Variants in TTC27 observed in about 807,000 individuals in gnomAD.
TTC27 encodes the protein tetratricopeptide repeat protein 27.
TTC27 carries 79 observed loss-of-function variants against 115.9 expected under a neutral mutation model. The ratio of observed to expected loss-of-function variants is 0.68; its 90% CI spans 0.57 to 0.82. TTC27 has a LOEUF of 0.82. TTC27 is among the 40% of genes least tolerant of loss of function. The pLI, the probability that TTC27 is intolerant of heterozygous loss-of-function variation, is 0.00. For synonymous variants in TTC27, 401 were observed against 356.0 expected (o/e 1.13, Z -1.42); for missense variants, 1,054 against 993.1 (o/e 1.06, Z -0.82).
intron 5 of TTC27, among the ~76,000 whole-genome samples, chr2:32,655,919 A>C (rs1665298392): frequency 6.6e-6 from 1 of 152,174 alleles, no homozygotes; most frequent in Non-Finnish European, 1.5e-5. Context: ...ATGAAATTGC[A>C]AATTCAGTTC....
chr2:32,808,649 T>C (rs1671217844), intron 16 of TTC27, among the ~76,000 whole-genome samples: 1 of 152,116 alleles, frequency 6.6e-6, no homozygotes, highest in Non-Finnish European at 1.5e-5. Flanking sequence ...TACCAACTTT[T>C]TCCCTCCTTA....
chr2:32,710,940 C>A (rs1015825868), intron 10 of TTC27, among the ~76,000 whole-genome samples: 2 of 150,374 alleles, frequency 1.3e-5, no homozygotes, highest in African/African-American at 4.9e-5. Context: ...ATGGTGAGAC[C>A]CCCATCTCTA....
intron 12 of TTC27, 107 bp downstream of exon 12, chr2:32,736,923 C>G: frequency 1.4e-6 from 2 of 1,384,614 alleles, no homozygotes; most frequent in Non-Finnish European, 1.9e-6. Context: ...CACTTATATT[C>G]CTTTTTTCAC....
At chr2:32,688,712 C>A (rs1666718841) in intron 9 of TTC27, among the ~76,000 whole-genome samples, 1 of 152,020 alleles carries the variant, frequency 6.6e-6, no homozygotes, top group Admixed American at 6.6e-5. Context: ...CAACAAGATA[C>A]CACTGTACAT....
chr2:32,654,722 G>A (rs1665254382), intron 5 of TTC27, among the ~76,000 whole-genome samples: 1 of 150,172 alleles, frequency 6.7e-6, no homozygotes, highest in South Asian at 2.1e-4. Flanking sequence ...TTGAGATGGA[G>A]TCTCGCTCTG....
rs776126416 is a variant in TTC27, at chr2:32,782,656, T to A, written c.1810T>A (p.Ser604Thr). Residue 604 changes from serine (S) to threonine (T), a missense_variant, in exon 15 of 20, where the codon TCC (serine) becomes ACC (threonine). Physicochemically the swap from Ser to Thr is moderately conservative, Grantham distance 58 (BLOSUM62 1). Transcript: ENST00000317907. ...NAEAWNNLST[S>T]YIRLKQKVKA... ...TGAAGCTTGGAACAATTTGTCAACT[T>A]CCTATATCCGATTAAAACAAAAGTA... 5.0e-6 allele frequency: 8 copies of A among 1,612,100 alleles called. No homozygotes were observed. The South Asian group carries it at 8.8e-5, about 18-fold the overall frequency.
intron 5 of TTC27, among the ~76,000 whole-genome samples, chr2:32,653,319 C>T (rs1362692738): frequency 6.6e-6 from 1 of 151,872 alleles, no homozygotes; most frequent in East Asian, 1.9e-4. Context: ...AAAACAGTCT[C>T]CACGGTGGCT....
chr2:32,753,138 A>G (rs1029834427), intron 12 of TTC27, among the ~76,000 whole-genome samples: 3 of 152,166 alleles, frequency 2.0e-5, no homozygotes, highest in Non-Finnish European at 4.4e-5. Context: ...AGGGCCTGTC[A>G]GTGGGATTTC....
At chr2:32,643,100 G>A (rs567981979) in intron 4 of TTC27, among the ~76,000 whole-genome samples, 2 of 152,248 alleles carry the variant, frequency 1.3e-5, no homozygotes, top group East Asian at 3.9e-4. Context: ...CTCCCAAGTA[G>A]CTGGGACTAC....
At chr2:32,708,304 GTTT>G (rs1158508588) in intron 10 of TTC27, among the ~76,000 whole-genome samples, 847 of 61,338 alleles carry the variant, frequency 0.014, 26 homozygotes, top group African/African-American at 0.052. Flanking sequence ...TCTCTACCTT[GTTT>G]TTTTTTTTTT....
At chr2:32,730,506 C>G (rs552178965) in intron 10 of TTC27, among the ~76,000 whole-genome samples, 4 of 150,830 alleles carry the variant, frequency 2.7e-5, no homozygotes, top group African/African-American at 7.4e-5. Flanking sequence ...CCTAGACATG[C>G]ACTATAACAA....
At chr2:32,664,039 G>T (rs886911475) in intron 5 of TTC27, among the ~76,000 whole-genome samples, 3 of 151,982 alleles carry the variant, frequency 2.0e-5, no homozygotes, top group Non-Finnish European at 2.9e-5. Context: ...AAAGAGCAAG[G>T]TTATGAATCA....
Position 32,654,573 on chromosome 2 carries a change from C to T in TTC27, c.640+4340C>T, listed in dbSNP as rs527536469. 4.6e-5 allele frequency among the ~76,000 whole-genome samples: 7 copies of T among 152,068 alleles called. No individual in the cohort carries two copies. In the South Asian group the frequency reaches 6.3e-4, roughly 14 times the overall value. On this transcript the variant is annotated intron_variant, in intron 5 of 19. Coordinates refer to ENST00000317907, the MANE Select transcript of TTC27 (RefSeq NM_017735.5). ...TGAGGCAGGGTCTTGCTCTGTCATC[C>T]GTGCTGGAGTGCAGTGATGCGATCT...
intron 10 of TTC27, among the ~76,000 whole-genome samples, chr2:32,713,665 G>C (rs1172109921): frequency 6.6e-6 from 1 of 152,148 alleles, no homozygotes; most frequent in African/African-American, 2.4e-5. Context: ...GCAGTTTTCT[G>C]TCCCTGAAGT....
At chr2:32,743,035 C>T (rs1668697408) in intron 12 of TTC27, among the ~76,000 whole-genome samples, 1 of 152,132 alleles carries the variant, frequency 6.6e-6, no homozygotes, top group African/African-American at 2.4e-5. Context: ...TTTTGCTCTT[C>T]ATGTGGTCCT....
At chr2:32,662,673 G>A (rs960506822) in intron 5 of TTC27, among the ~76,000 whole-genome samples, 3 of 151,864 alleles carry the variant, frequency 2.0e-5, no homozygotes, top group East Asian at 1.9e-4. Flanking sequence ...TTCTTTATTA[G>A]TCTGGCTAGC....
intron 5 of TTC27, among the ~76,000 whole-genome samples, chr2:32,655,179 G>C (rs368566924): frequency 4.6e-4 from 70 of 152,140 alleles, no homozygotes; most frequent in African/African-American, 1.6e-3. Context: ...TTTTAGCAGA[G>C]ATGAGGTTTC....
At chr2:32,657,986 C>T (rs1434555221) in intron 5 of TTC27, among the ~76,000 whole-genome samples, 1 of 152,126 alleles carries the variant, frequency 6.6e-6, no homozygotes, top group Non-Finnish European at 1.5e-5. Flanking sequence ...CGTGCCAGCA[C>T]GCCCAGCTAA....
At chr2:32,796,133 C>T (rs1670696186) in intron 16 of TTC27, among the ~76,000 whole-genome samples, 1 of 152,016 alleles carries the variant, frequency 6.6e-6, no homozygotes, top group Non-Finnish European at 1.5e-5. Flanking sequence ...AGTCAGCACA[C>T]AAAAATCAGC....
Sources: allele counts gnomAD v4.1 joint callset (sites outside exome capture counted in the v4.1 genomes callset), GRCh38; gene constraint gnomAD v4.1.1; transcripts MANE v1.5; gene names NCBI Gene and HGNC (gene_info 2026-07-23, HGNC 2026-07-21).